The following SESTD1 variants were observed in gnomAD, a reference collection of about 807,000 sequenced individuals.
SESTD1 encodes the protein SEC14 domain and spectrin repeat-containing protein 1.
In SESTD1, 43 loss-of-function variants were observed where a neutral mutation model predicts 101.7. The observed-to-expected ratio is 0.42, with a 90% CI of 0.33 to 0.55. The LOEUF is 0.55. Among genes scored for constraint, SESTD1 ranks in the 20% least tolerant of loss-of-function variants. SESTD1 has a pLI of 0.07. For missense variants in SESTD1, 647 were observed against 815.1 expected, an observed-to-expected ratio of 0.79 and a Z score of 2.51; for synonymous variants, 283 against 286.8, an observed-to-expected ratio of 0.99 and a Z score of 0.13.
intron 1 of SESTD1, among the ~76,000 whole-genome samples, chr2:179,221,456 T>C (rs1241596172): frequency 3.3e-5 from 5 of 151,328 alleles, no homozygotes; most frequent in South Asian, 2.1e-4. Flanking sequence ...CTACTAAAAA[T>C]ACAAAAATTA....
chr2:179,153,993 C>T (rs13412820), intron 5 of SESTD1, among the ~76,000 whole-genome samples: 1,759 of 149,748 alleles, frequency 0.012, 29 homozygotes, highest in African/African-American at 0.038. Flanking sequence ...CCTATAATCT[C>T]GGCACTTTGG....
At chr2:179,253,283 T>C (rs1281819868) in intron 1 of SESTD1, among the ~76,000 whole-genome samples, 1 of 151,782 alleles carries the variant, frequency 6.6e-6, no homozygotes, top group Admixed American at 6.6e-5. Flanking sequence ...TAAGGAGAAA[T>C]GACAACTAAA....
intron 5 of SESTD1, among the ~76,000 whole-genome samples, chr2:179,160,805 CTTTT>C (rs112546498): frequency 6.6e-6 from 1 of 150,810 alleles, no homozygotes; most frequent in Non-Finnish European, 1.5e-5. Flanking sequence ...TATCATTCTA[CTTTT>C]TTTTTGCAGA....
chr2:179,126,601 T>C (rs1317390849), intron 10 of SESTD1, among the ~76,000 whole-genome samples: 3 of 152,176 alleles, frequency 2.0e-5, no homozygotes, highest in Non-Finnish European at 4.4e-5. Context: ...AATATATCTA[T>C]AGGCTAAGAA....
intron 12 of SESTD1, among the ~76,000 whole-genome samples, chr2:179,123,009 C>CT (rs2044787845): frequency 6.6e-6 from 1 of 152,218 alleles, no homozygotes; most frequent in African/African-American, 2.4e-5. Context: ...TGTGCAACCA[C>CT]TTTTTACTAG....
rs2154393280 is a variant in SESTD1 at position 179,101,769 on chromosome 2, T to C, written c.*8130A>G. On this transcript the variant is annotated 3_prime_UTR_variant, in exon 18 of 18. Coordinates refer to ENST00000428443, the MANE Select transcript of SESTD1 (RefSeq NM_178123.5). ...CAATGGTTTGAAACAGGTTTGTGGA[T>C]ACAATGAAGCATCTAATGGAAAACC... The C allele has an allele frequency of 6.6e-6, 1 of 152,314 alleles. No homozygotes were observed. The highest frequency in any genetic ancestry group is 6.5e-5 in the Admixed American group (1 of 15,286). 9.4% of individuals were successfully genotyped at this position (152,314 alleles called of 1,614,324 possible).
Position 179,109,882 on chromosome 2 carries a change from T to G in SESTD1, c.*17A>C, listed in dbSNP as rs573293839. 1.3e-5 allele frequency: 21 copies of G among 1,613,000 alleles called. No individual in the cohort carries two copies. The highest frequency in any genetic ancestry group is 1.8e-5 in the Non-Finnish European group (21 of 1,179,498). Reference sequence around the variant, plus strand: ...TGCGGGATTATGAACTGCAAATCTGTAGGTAGCTGGTAGCTATTAGCTCTC... The same window carrying G: ...TGCGGGATTATGAACTGCAAATCTGGAGGTAGCTGGTAGCTATTAGCTCTC... On this transcript the variant is annotated 3_prime_UTR_variant, in exon 18 of 18. Coordinates refer to ENST00000428443, the MANE Select transcript of SESTD1 (RefSeq NM_178123.5).
In SESTD1 at chr2:179,208,662, C is replaced by G. The variant is rs898693040; in HGVS notation, c.-25-16796G>C. Among the ~76,000 whole-genome samples the G allele has an allele frequency of 3.0e-5, 4 of 134,750 alleles. 2 individuals carry two copies. Among genetic ancestry groups the G allele is most frequent in the African/African-American group, 1.2e-4 (4 of 34,164 alleles). 88.4% of individuals were successfully genotyped at this position (134,750 alleles called of 152,430 possible). On this transcript the variant is annotated intron_variant, in intron 1 of 17. Transcript: ENST00000428443. Reference sequence around the variant, plus strand: ...AAGGAGAGATAAAGTATTTTTTAGACAAACAAATGTTGAATTTGCCAATAC... The same window carrying G: ...AAGGAGAGATAAAGTATTTTTTAGAGAAACAAATGTTGAATTTGCCAATAC...
intron 1 of SESTD1, among the ~76,000 whole-genome samples, chr2:179,234,592 A>G (rs1383239575): frequency 6.6e-6 from 1 of 152,190 alleles, no homozygotes; most frequent in Non-Finnish European, 1.5e-5. Context: ...AGCCTGGCCA[A>G]CATGGTGAAA....
At chr2:179,201,760 C>T (rs1399117534) in intron 1 of SESTD1, among the ~76,000 whole-genome samples, 1 of 116,752 alleles carries the variant, frequency 8.6e-6, no homozygotes, top group Admixed American at 8.4e-5. Flanking sequence ...ACATCACACT[C>T]TGGGGACTGT....
At chr2:179,157,158 A>T (rs10208882) in intron 5 of SESTD1, among the ~76,000 whole-genome samples, 1 of 152,096 alleles carries the variant, frequency 6.6e-6, no homozygotes, top group African/African-American at 2.4e-5. Context: ...GGGATATACC[A>T]AACCAAGGAG....
intron 10 of SESTD1, among the ~76,000 whole-genome samples, chr2:179,128,747 GAAA>G (rs1016074033): frequency 3.1e-5 from 4 of 129,746 alleles, no homozygotes; most frequent in Non-Finnish European, 6.7e-5. Context: ...AAAAAGAAAA[GAAA>G]AAAAAAAAAA....
At chr2:179,133,583 G>A (rs1222198609) in intron 9 of SESTD1, among the ~76,000 whole-genome samples, 4 of 152,068 alleles carry the variant, frequency 2.6e-5, no homozygotes, top group Non-Finnish European at 5.9e-5. Flanking sequence ...ATTAGAAAAA[G>A]GAATTTAAGA....
intron 1 of SESTD1, among the ~76,000 whole-genome samples, chr2:179,195,537 A>T (rs1469056200): frequency 1.3e-5 from 2 of 152,244 alleles, no homozygotes; most frequent in Non-Finnish European, 2.9e-5. Context: ...TTAGATAGTC[A>T]TACTTCAGGG....
At chr2:179,167,448 G>A (rs546559508) in intron 5 of SESTD1, among the ~76,000 whole-genome samples, 1 of 152,180 alleles carries the variant, frequency 6.6e-6, no homozygotes, top group East Asian at 1.9e-4. Context: ...CAGAAAAAGG[G>A]CAGATAAAAT....
chr2:179,136,757 T>C (rs543285099), intron 9 of SESTD1, among the ~76,000 whole-genome samples: 37 of 152,308 alleles, frequency 2.4e-4, no homozygotes, highest in African/African-American at 7.2e-4. Flanking sequence ...AGCAGGTTAA[T>C]ATAAATCGTG....
intron 1 of SESTD1, among the ~76,000 whole-genome samples, chr2:179,199,645 T>C (rs1430483720): frequency 1.2e-4 from 19 of 152,120 alleles, no homozygotes; most frequent in African/African-American, 2.9e-4. Context: ...GCAAGGCTGG[T>C]TCAATATACA....
At chr2:179,258,677 GCACGTGCATGCATGCACACA>G (rs1196809706) in intron 1 of SESTD1, among the ~76,000 whole-genome samples, 3 of 151,936 alleles carry the variant, frequency 2.0e-5, no homozygotes, top group Middle Eastern at 3.2e-3. Flanking sequence ...ACATGCACAC[GCACGTGCATGCATGCACACA>G]CACACACACC....
intron 1 of SESTD1, among the ~76,000 whole-genome samples, chr2:179,263,320 A>G (rs910301923): frequency 2.0e-5 from 3 of 152,238 alleles, no homozygotes; most frequent in Non-Finnish European, 2.9e-5. Flanking sequence ...AGGTATTGGC[A>G]TAACTTAACC....
Sources: gnomAD v4.1 joint callset for allele counts (sites outside exome capture counted in the v4.1 genomes callset) on GRCh38, gnomAD v4.1.1 for gene constraint, MANE v1.5 for transcripts, NCBI Gene and HGNC (gene_info 2026-07-23, HGNC 2026-07-21) for gene names.